Variants in SLCO6A1 observed in about 807,000 individuals in gnomAD.
The protein encoded by SLCO6A1 is solute carrier organic anion transporter family member 6A1, also known as cancer/testis antigen 48.
Under a neutral mutation model 72.7 loss-of-function variants are expected in SLCO6A1, and 65 were observed. That is an observed-to-expected ratio of 0.89 (90% CI 0.73 to 1.10). The LOEUF (loss-of-function observed/expected upper bound fraction) is 1.10, where lower values mean the gene tolerates loss of function less well. Ranked by LOEUF, SLCO6A1 falls within the 50% of genes least tolerant of loss-of-function variation. SLCO6A1 has a pLI of 0.00. For synonymous variants in SLCO6A1, 314 were observed against 298.2 expected (o/e 1.05, Z -0.55); for missense variants, 874 against 872.6 (o/e 1.00, Z -0.02).
At chr5:102,414,257 T>C (rs969051408) in intron 8 of SLCO6A1, among the ~76,000 whole-genome samples, 1 of 152,172 alleles carries the variant, frequency 6.6e-6, no homozygotes, top group Non-Finnish European at 1.5e-5. Flanking sequence ...GTGCAAGATG[T>C]GAATTAAAAT....
At chr5:102,412,057 T>C (rs1326107537) in intron 9 of SLCO6A1, among the ~76,000 whole-genome samples, 1 of 152,234 alleles carries the variant, frequency 6.6e-6, no homozygotes, top group Non-Finnish European at 1.5e-5. Context: ...TTCCTTTCTA[T>C]TGATCCCAAG....
intron 2 of SLCO6A1, among the ~76,000 whole-genome samples, chr5:102,479,773 A>AATC (rs1752093651): frequency 6.6e-6 from 1 of 152,184 alleles, no homozygotes; most frequent in Non-Finnish European, 1.5e-5. Flanking sequence ...CAACCATGCA[A>AATC]ATCCCACTTT....
intron 7 of SLCO6A1, among the ~76,000 whole-genome samples, chr5:102,422,100 CAA>C (rs1471473903): frequency 1.3e-5 from 2 of 152,126 alleles, no homozygotes; most frequent in Non-Finnish European, 2.9e-5. Flanking sequence ...GATGCCCATG[CAA>C]AAACCCCATC....
intron 10 of SLCO6A1, among the ~76,000 whole-genome samples, chr5:102,397,086 T>C (rs1235520504): frequency 6.6e-6 from 1 of 152,152 alleles, no homozygotes; most frequent in African/African-American, 2.4e-5. Context: ...TCTGTGGCCA[T>C]GATTGTTTCA....
chr5:102,468,478 T>C (rs1751422077), intron 4 of SLCO6A1, among the ~76,000 whole-genome samples: 1 of 152,076 alleles, frequency 6.6e-6, no homozygotes, highest in Non-Finnish European at 1.5e-5. Flanking sequence ...ATTTCTTACA[T>C]AGAGTAGTAA....
intron 8 of SLCO6A1, among the ~76,000 whole-genome samples, chr5:102,416,698 AC>A (rs1232944616): frequency 2.0e-5 from 3 of 152,154 alleles, no homozygotes; most frequent in Non-Finnish European, 4.4e-5. Context: ...TATGCCTGTA[AC>A]AAAATTGCAA....
At chr5:102,465,357 G>C (rs1751259037) in intron 4 of SLCO6A1, among the ~76,000 whole-genome samples, 1 of 151,784 alleles carries the variant, frequency 6.6e-6, no homozygotes, top group African/African-American at 2.4e-5. Context: ...ATCTTACACT[G>C]TCCGCCAGAG....
Position 102,399,553 on chromosome 5 carries a change from A to G in SLCO6A1, c.1814+2T>C, listed in dbSNP as rs1459916322. The G allele has an allele frequency of 6.6e-7, 1 of 1,524,018 alleles. No homozygotes were observed. Among genetic ancestry groups the G allele is most frequent in the East Asian group, 2.3e-5 (1 of 43,876 alleles). The allele number at this position is 1,524,018 out of a possible 1,614,324, so 94.4% of individuals were successfully genotyped here. Reference sequence around the variant, plus strand: ...CAATAATAATGAGTAATATATACATACCGCGTCATGGCCAAGACGATTGGT... The same window carrying G: ...CAATAATAATGAGTAATATATACATGCCGCGTCATGGCCAAGACGATTGGT... On this transcript the variant is annotated splice_donor_variant, in intron 10 of 13. Transcript: ENST00000506729. LOFTEE classifies it high-confidence loss of function.
chr5:102,458,060 A>G (rs1222034780), intron 6 of SLCO6A1, among the ~76,000 whole-genome samples: 3 of 151,420 alleles, frequency 2.0e-5, no homozygotes, highest in Admixed American at 1.3e-4. Flanking sequence ...ATAAGAACAC[A>G]TGGACACAGG....
intron 9 of SLCO6A1, among the ~76,000 whole-genome samples, chr5:102,401,200 A>C (rs559507821): frequency 6.6e-6 from 1 of 152,216 alleles, no homozygotes; most frequent in South Asian, 2.1e-4. Context: ...AAAAAGGAAC[A>C]GTAATTGAAA....
intron 2 of SLCO6A1, 76 bp downstream of exon 2, chr5:102,480,101 G>T: frequency 7.6e-7 from 1 of 1,321,030 alleles, no homozygotes; most frequent in Non-Finnish European, 1.0e-6. Context: ...AATTATCACA[G>T]TCTATTTTAA....
chr5:102,444,063 G>A (rs1749983049), intron 6 of SLCO6A1, among the ~76,000 whole-genome samples: 2 of 152,114 alleles, frequency 1.3e-5, no homozygotes, highest in Non-Finnish European at 2.9e-5. Context: ...GTTAGGCTAG[G>A]TACTCCTACA....
intron 3 of SLCO6A1, 84 bp from the exon 4 acceptor site, chr5:102,475,877 T>C: frequency 1.0e-6 from 1 of 1,002,484 alleles, no homozygotes; most frequent in Non-Finnish European, 1.5e-6. Flanking sequence ...AATTGATTAC[T>C]TCTGAAAGCT....
At position 102,480,283 on chromosome 5, in the gene SLCO6A1, T is replaced by C. The variant is rs1752122849; in HGVS notation, c.510A>G (p.Lys170=). The change falls in exon 2 of 14, where the codon AAA becomes AAG. Residue 170 remains lysine, a synonymous_variant. Coordinates refer to ENST00000506729, the MANE Select transcript of SLCO6A1 (RefSeq NM_173488.5). ...AGGAGGAAGCTACAAACCATATTAC[T>C]TTTTTTCTGTCTCCATAGAATGCTA... The part of the protein sequence containing the change: ...IFIAFYGDRK[K]VIWFVASSFL... The C allele has an allele frequency of 1.2e-6, 2 of 1,613,140 alleles. No individual in the cohort carries two copies. The highest frequency in any genetic ancestry group is 1.7e-6 in the Non-Finnish European group (2 of 1,179,524).
chr5:102,435,767 C>G (rs932211413), intron 7 of SLCO6A1, among the ~76,000 whole-genome samples: 1 of 151,752 alleles, frequency 6.6e-6, no homozygotes, highest in Non-Finnish European at 1.5e-5. Context: ...CCCAGCTACT[C>G]GGAAGGCTGA....
intron 9 of SLCO6A1, among the ~76,000 whole-genome samples, chr5:102,403,981 T>C (rs4703225): frequency 0.64 from 97,965 of 151,888 alleles, 31,802 homozygotes; most frequent in African/African-American, 0.66. Context: ...TGACTAGTCA[T>C]CTCTGAAAGG....
intron 4 of SLCO6A1, among the ~76,000 whole-genome samples, chr5:102,467,246 G>A (rs373188801): frequency 7.2e-5 from 11 of 151,886 alleles, no homozygotes; most frequent in East Asian, 5.8e-4. Flanking sequence ...TGTAAACCTC[G>A]TCTTTACCAA....
chr5:102,426,974 G>A (rs1748928055), intron 7 of SLCO6A1, among the ~76,000 whole-genome samples: 1 of 151,636 alleles, frequency 6.6e-6, no homozygotes, highest in African/African-American at 2.4e-5. Flanking sequence ...TGCAGGTCAT[G>A]GATAAAACTG....
chr5:102,492,369 A>G (rs930180035), intron 1 of SLCO6A1, among the ~76,000 whole-genome samples: 2 of 152,242 alleles, frequency 1.3e-5, no homozygotes, highest in Non-Finnish European at 2.9e-5. Flanking sequence ...TGACCTCCTC[A>G]GTAGACTGGA....
Sources: allele counts gnomAD v4.1 joint callset (sites outside exome capture counted in the v4.1 genomes callset), GRCh38; gene constraint gnomAD v4.1.1; transcripts MANE v1.5; gene names NCBI Gene and HGNC (gene_info 2026-07-23, HGNC 2026-07-21).